The following ADGRA2 variants were observed in gnomAD, a reference collection of about 807,000 sequenced individuals.
ADGRA2 encodes adhesion G protein-coupled receptor A2, also known as G-protein coupled receptor 124.
In ADGRA2, 61 loss-of-function variants were observed where a neutral mutation model predicts 98.7. The observed-to-expected ratio is 0.62, with a 90% CI of 0.50 to 0.76. ADGRA2 has a LOEUF of 0.76. Among genes scored for constraint, ADGRA2 ranks in the 30% least tolerant of loss-of-function variants. The probability of loss-of-function intolerance (pLI) is 0.00; values close to 1 mark genes in which losing one functional copy is unlikely to be tolerated. For synonymous variants in ADGRA2, 858 were observed against 831.5 expected (o/e 1.03, Z -0.55); for missense variants, 1,712 against 1,860.0 (o/e 0.92, Z 1.46).
chr8:37,807,709 C>A (rs1366322024), intron 1 of ADGRA2, among the ~76,000 whole-genome samples: 1 of 152,152 alleles, frequency 6.6e-6, no homozygotes, highest in Non-Finnish European at 1.5e-5. Context: ...GGCCAAGCTG[C>A]CAGTGGCAGG....
In ADGRA2 at chr8:37,837,768, C is replaced by T. The variant is rs139204043; in HGVS notation, c.2088C>T (p.Ala696=). 1.1e-4 allele frequency: 171 copies of T among 1,552,552 alleles called. No individual in the cohort carries two copies. The highest frequency in any genetic ancestry group is 1.4e-4 in the Non-Finnish European group (157 of 1,148,162). The stretch of plus-strand genomic sequence containing the variant: ...TGGGAAACCTGACAGAGCCAGTGGC[C>T]GTTTCGCTGCGGCACTGGGCTGAGG... ...CGVGNLTEPV[A]VSLRHWAEGA... is the part of the protein sequence containing the mutation. Residue 696 remains alanine, a synonymous_variant, in exon 14 of 19, where the codon GCC becomes GCT. Transcript: ENST00000412232.
intron 1 of ADGRA2, among the ~76,000 whole-genome samples, chr8:37,804,464 G>A (rs911470170): frequency 9.2e-5 from 14 of 152,242 alleles, no homozygotes; most frequent in Non-Finnish European, 2.9e-5. Flanking sequence ...GGGACTGGGA[G>A]TTTAAGCGGC....
At chr8:37,818,556 G>C (rs986249735) in intron 2 of ADGRA2, among the ~76,000 whole-genome samples, 1 of 152,246 alleles carries the variant, frequency 6.6e-6, no homozygotes, top group Non-Finnish European at 1.5e-5. Flanking sequence ...AGCAGTACTA[G>C]AGTGGGAATT....
rs925351438 is a variant in ADGRA2 at position 37,843,667 on chromosome 8, G to C, written c.*1312G>C. 6.6e-6 allele frequency: 1 copy of C among 152,454 alleles called. No individual in the cohort carries two copies. Among genetic ancestry groups the C allele is most frequent in the Admixed American group, 6.5e-5 (1 of 15,276 alleles). 9.4% of individuals were successfully genotyped at this position (152,454 alleles called of 1,614,324 possible). A position where few individuals can be genotyped will look rare whatever the true frequency, so the allele number is the denominator to read the frequency against. ...CATCACCAAGGTGACAGAGGACACA[G>C]GGGAGGGGGAAAACCCACACACACT... On this transcript the variant is annotated 3_prime_UTR_variant, in exon 19 of 19. Transcript: ENST00000412232.
chr8:37,836,129 G>C (rs1441304863), intron 13 of ADGRA2, among the ~76,000 whole-genome samples: 2 of 149,482 alleles, frequency 1.3e-5, no homozygotes, highest in Non-Finnish European at 3.0e-5. Context: ...AAGTAATGCT[G>C]AATAGGTGCC....
chr8:37,798,993 G>A (rs938448561), intron 1 of ADGRA2, among the ~76,000 whole-genome samples: 1 of 152,240 alleles, frequency 6.6e-6, no homozygotes, highest in African/African-American at 2.4e-5. Context: ...GCAGGCCTGG[G>A]CATTCCCCAG....
chr8:37,807,970 G>C (rs1177839225), intron 1 of ADGRA2, among the ~76,000 whole-genome samples: 1 of 152,178 alleles, frequency 6.6e-6, no homozygotes, highest in Non-Finnish European at 1.5e-5. Flanking sequence ...ATGTTGGGGT[G>C]GTATCTGGTA....
intron 15 of ADGRA2, 109 bp downstream of exon 15, chr8:37,839,192 C>T: frequency 1.4e-6 from 2 of 1,445,948 alleles, no homozygotes. Context: ...TCCAGCTTTG[C>T]AATGGGGGAG....
In ADGRA2 at chr8:37,842,325, C is replaced by A. The variant is rs1456013810; in HGVS notation, c.3987C>A (p.Thr1329=). 1 of 1,525,016 alleles carries A rather than the reference C, an allele frequency of 6.6e-7. No individual in the cohort carries two copies. Among genetic ancestry groups the A allele is most frequent in the Non-Finnish European group, 8.8e-7 (1 of 1,140,860 alleles). 94.5% of individuals were successfully genotyped at this position (1,525,016 alleles called of 1,614,324 possible). A position where few individuals can be genotyped will look rare whatever the true frequency, so the allele number is the denominator to read the frequency against. ...TAGCCAGCGGCGGCTGCATGAAGAC[C>A]GGACTCTGGAAGAGCGAAACTACCG... ...AEVASGGCMK[T]GLWKSETTV The change falls in exon 19 of 19, where the codon ACC becomes ACA. Residue 1329 remains threonine, a synonymous_variant. Transcript: ENST00000412232.
At chr8:37,803,430 G>A (rs4976893) in intron 1 of ADGRA2, among the ~76,000 whole-genome samples, 76,324 of 152,022 alleles carry the variant, frequency 0.5, 19,877 homozygotes, top group African/African-American at 0.64. Context: ...GAAATGGCCC[G>A]GGACTGGGGG....
chr8:37,836,213 T>C (rs1805611887), intron 13 of ADGRA2, among the ~76,000 whole-genome samples: 1 of 152,050 alleles, frequency 6.6e-6, no homozygotes, highest in Non-Finnish European at 1.5e-5. Flanking sequence ...TCCCAGAGGC[T>C]ACCTAAGCAG....
intron 1 of ADGRA2, among the ~76,000 whole-genome samples, chr8:37,803,178 A>C (rs1417955138): frequency 6.6e-6 from 1 of 152,236 alleles, no homozygotes; most frequent in African/African-American, 2.4e-5. Flanking sequence ...TTTATCCCAC[A>C]TGGGAGTCAT....
chr8:37,844,164 G>A lies in ADGRA2; in HGVS notation c.*1809G>A. The A allele has an allele frequency of 3.4e-6, 1 of 291,730 alleles. No individual in the cohort carries two copies. Among genetic ancestry groups the A allele is most frequent in the Non-Finnish European group, 6.5e-6 (1 of 153,040 alleles). The allele number at this position is 291,730 out of a possible 1,614,324, so 18.1% of individuals were successfully genotyped here. Reference sequence around the variant, plus strand: ...GGGAAGCCCCCTCAGGCCTGCAGGAGGAGCCGCAGCAGTGTGTCCAATTCA... The same window carrying A: ...GGGAAGCCCCCTCAGGCCTGCAGGAAGAGCCGCAGCAGTGTGTCCAATTCA... On this transcript the variant is annotated 3_prime_UTR_variant, in exon 19 of 19. Coordinates refer to ENST00000412232, the MANE Select transcript of ADGRA2 (RefSeq NM_032777.10).
chr8:37,800,750 A>C (rs558985185), intron 1 of ADGRA2, among the ~76,000 whole-genome samples: 2 of 152,270 alleles, frequency 1.3e-5, no homozygotes, highest in Admixed American at 1.3e-4. Context: ...AGAGGACAAG[A>C]GCTGAGAGCC....
rs551250798 is a variant in ADGRA2 at position 37,833,959 on chromosome 8, C to A, written c.1447-8C>A. 3 of 1,609,914 alleles carry A rather than the reference C, an allele frequency of 1.9e-6. No individual in the cohort carries two copies. The South Asian group carries it at 3.3e-5, about 18-fold the overall frequency. ...CCCCTGCCCTCAGCAACTTCCCTGT[C>A]CCCCCAGCTGGTAGAGGTGATGGTG... On this transcript the variant is annotated splice_polypyrimidine_tract_variant and splice_region_variant and intron_variant, in intron 10 of 18. Transcript: ENST00000412232.
Position 37,839,094 on chromosome 8 carries a change from C to T in ADGRA2, c.2387+11C>T. 3 of 1,606,874 alleles carry T rather than the reference C, an allele frequency of 1.9e-6. No individual in the cohort carries two copies. Among genetic ancestry groups the T allele is most frequent in the Non-Finnish European group, 2.5e-6 (3 of 1,176,608 alleles). Reference sequence around the variant, plus strand: ...CATCCTCAACCACAGGTGGGTGCTCCTGCAGGAGGGAGGGCGTGGTGGGCA... The same window carrying T: ...CATCCTCAACCACAGGTGGGTGCTCTTGCAGGAGGGAGGGCGTGGTGGGCA... On this transcript the variant is annotated intron_variant, in intron 15 of 18. Transcript: ENST00000412232.
chr8:37,826,096 C>T (rs995425990), intron 2 of ADGRA2, among the ~76,000 whole-genome samples: 2 of 148,488 alleles, frequency 1.3e-5, no homozygotes, highest in East Asian at 2.0e-4. Context: ...TGAGGGGGCC[C>T]GGGGAGGAAA....
At position 37,844,787 on chromosome 8, in the gene ADGRA2, G is replaced by A. The variant is rs756159358; in HGVS notation, c.*2432G>A. On this transcript the variant is annotated 3_prime_UTR_variant, in exon 19 of 19. Coordinates refer to ENST00000412232, the MANE Select transcript of ADGRA2 (RefSeq NM_032777.10). The stretch of plus-strand genomic sequence containing the variant: ...CCCACCCCGGTGGCTCCTTCTCTCG[G>A]GTCTCCACTTCTGCTGTCCCATCCC... 5.0e-6 allele frequency: 8 copies of A among 1,613,848 alleles called. No individual in the cohort carries two copies. The highest frequency in any genetic ancestry group is 6.8e-6 in the Non-Finnish European group (8 of 1,179,952).
In ADGRA2 at chr8:37,797,272, G is replaced by A; in HGVS notation, c.4G>A (p.Gly2Ser). The A allele has an allele frequency of 1.6e-6, 2 of 1,283,666 alleles. No individual in the cohort carries two copies. The highest frequency in any genetic ancestry group is 2.0e-6 in the Non-Finnish European group (2 of 1,021,550). 79.5% of individuals were successfully genotyped at this position (1,283,666 alleles called of 1,614,324 possible). The change falls in exon 1 of 19, where the codon GGC becomes AGC. Residue 2 changes from glycine (G) to serine (S), a missense_variant. Transcript: ENST00000412232. This position sits in a 1 kb window ranked among gnomAD's most constrained non-coding sequence, Gnocchi z 5.3. ...GTCCCCGCGGGGCGATGGGTTGATG[G>A]GCGCCGGGGGACGCAGGATGCGGGG... M[G>S]AGGRRMRGAP...
Sources: gnomAD v4.1 joint callset for allele counts (sites outside exome capture counted in the v4.1 genomes callset) on GRCh38, gnomAD v4.1.1 for gene constraint, Gnocchi (gnomAD v3.1) non-coding constraint, MANE v1.5 for transcripts, NCBI Gene and HGNC (gene_info 2026-07-23, HGNC 2026-07-21) for gene names.